EPHA6: variants seen among roughly 807,000 people sequenced by gnomAD.
EPHA6 encodes the protein ephrin type-A receptor 6.
A neutral mutation model predicts 112.0 loss-of-function variants in EPHA6; 50 were observed. The ratio of observed to expected loss-of-function variants is 0.45; its 90% CI spans 0.36 to 0.56. The LOEUF is 0.56. Among genes scored for constraint, EPHA6 ranks in the 20% least tolerant of loss-of-function variants. EPHA6 has a pLI of 0.00. For synonymous variants in EPHA6, 529 were observed against 490.7 expected (o/e 1.08, Z -1.03); for missense variants, 1,280 against 1,417.4 (o/e 0.90, Z 1.56).
intron 3 of EPHA6, among the ~76,000 whole-genome samples, chr3:97,196,787 T>C (rs537554942): frequency 1.4e-4 from 22 of 152,064 alleles, no homozygotes; most frequent in African/African-American, 5.3e-4. Flanking sequence ...ATTCTCTGTA[T>C]TACCAGGAAG....
chr3:97,709,166 A>T (rs1045225903), intron 14 of EPHA6, among the ~76,000 whole-genome samples: 2 of 151,922 alleles, frequency 1.3e-5, no homozygotes, highest in African/African-American at 4.8e-5. Context: ...AAAAAAAAAA[A>T]AAAAAAGCCA....
chr3:97,492,897 G>T (rs1405599720), intron 10 of EPHA6, among the ~76,000 whole-genome samples: 2 of 151,734 alleles, frequency 1.3e-5, no homozygotes, highest in Non-Finnish European at 2.9e-5. Flanking sequence ...AGGAATTTAG[G>T]ACGTTTTCAA....
chr3:97,017,529 T>C (rs368273967), intron 3 of EPHA6, among the ~76,000 whole-genome samples: 1 of 152,158 alleles, frequency 6.6e-6, no homozygotes, highest in Non-Finnish European at 1.5e-5. Context: ...GGAAAGGCAG[T>C]CTAGGCCCCA....
intron 3 of EPHA6, among the ~76,000 whole-genome samples, chr3:97,101,423 C>T (rs181173516): frequency 1.3e-5 from 2 of 152,062 alleles, no homozygotes; most frequent in South Asian, 2.1e-4. Context: ...CACTGCATAC[C>T]TTTTGAGTGA....
intron 10 of EPHA6, among the ~76,000 whole-genome samples, chr3:97,495,581 A>G (rs1005520652): frequency 6.6e-6 from 1 of 151,974 alleles, no homozygotes; most frequent in East Asian, 1.9e-4. Context: ...CTGTAAGTAA[A>G]ATTTCTCAAC....
rs561838024 is a variant in EPHA6, at chr3:97,404,054, T to C, written c.1607-1096T>C. Among the ~76,000 whole-genome samples the C allele has an allele frequency of 7.1e-4, 108 of 152,322 alleles. 1 individual carries two copies. The highest frequency in any genetic ancestry group is 2.4e-3 in the African/African-American group (98 of 41,580). On this transcript the variant is annotated intron_variant, in intron 5 of 17. Transcript: ENST00000389672. ...TTCTCTAGTGGATATAGCATAGTTT[T>C]TCAACCACTCTCTTATTGATGGGCA...
chr3:97,040,580 A>G (rs1233756828), intron 3 of EPHA6, among the ~76,000 whole-genome samples: 2 of 152,124 alleles, frequency 1.3e-5, no homozygotes, highest in African/African-American at 2.4e-5. Context: ...AGTGTTTTCT[A>G]TATTATTATT....
chr3:97,259,528 G>A (rs2079428067), intron 5 of EPHA6, among the ~76,000 whole-genome samples: 1 of 152,142 alleles, frequency 6.6e-6, no homozygotes, highest in Non-Finnish European at 1.5e-5. Flanking sequence ...CTCCATGAGG[G>A]ATGGATTTTT....
chr3:97,401,286 T>C (rs2086976129), intron 5 of EPHA6, among the ~76,000 whole-genome samples: 1 of 151,770 alleles, frequency 6.6e-6, no homozygotes. Flanking sequence ...TGGCTTCAAT[T>C]CACCAATGAA....
intron 10 of EPHA6, among the ~76,000 whole-genome samples, chr3:97,519,990 CAG>C (rs1343886411): frequency 7.1e-6 from 1 of 140,722 alleles, no homozygotes; most frequent in African/African-American, 2.7e-5. Flanking sequence ...TTTTTTGAGA[CAG>C]AGTCTTGCTC....
chr3:97,494,957 G>T (rs1473705772), intron 10 of EPHA6, among the ~76,000 whole-genome samples: 2 of 152,118 alleles, frequency 1.3e-5, no homozygotes, highest in African/African-American at 4.8e-5. Context: ...GAGATCTAGA[G>T]TTTTTCTCTA....
intron 2 of EPHA6, among the ~76,000 whole-genome samples, chr3:96,925,750 C>T (rs1379634058): frequency 2.0e-5 from 3 of 151,868 alleles, no homozygotes; most frequent in Admixed American, 6.6e-5. Flanking sequence ...GGATTACGAG[C>T]GCCTGCCACC....
chr3:97,703,822 G>A (rs2033530667), intron 14 of EPHA6, among the ~76,000 whole-genome samples: 1 of 151,944 alleles, frequency 6.6e-6, no homozygotes, highest in East Asian at 1.9e-4. Context: ...TGTTTTCAGG[G>A]GGAAAAAAGT....
chr3:97,291,992 G>T (rs1165536429), intron 5 of EPHA6, among the ~76,000 whole-genome samples: 3 of 151,944 alleles, frequency 2.0e-5, no homozygotes, highest in Non-Finnish European at 4.4e-5. Flanking sequence ...ACGGAGCAGT[G>T]GGGGGTATGT....
intron 5 of EPHA6, among the ~76,000 whole-genome samples, chr3:97,396,585 T>C (rs2086707665): frequency 6.6e-6 from 1 of 151,700 alleles, no homozygotes; most frequent in Non-Finnish European, 1.5e-5. Flanking sequence ...TAAATTGGAA[T>C]TCATTTTAGG....
chr3:97,335,150 A>G (rs1046365074), intron 5 of EPHA6, among the ~76,000 whole-genome samples: 1 of 152,210 alleles, frequency 6.6e-6, no homozygotes, highest in African/African-American at 2.4e-5. Context: ...GAAGGTCATT[A>G]GGCTTCATGA....
intron 7 of EPHA6, among the ~76,000 whole-genome samples, chr3:97,454,245 G>T (rs1000560793): frequency 6.6e-6 from 1 of 151,618 alleles, no homozygotes; most frequent in African/African-American, 2.4e-5. Context: ...TTGTTCAAAG[G>T]CGTAATTCTT....
Position 97,747,508 on chromosome 3 carries a change from T to C in EPHA6, c.3214T>C (p.Tyr1072His). The change falls in exon 17 of 18, where the codon TAC (tyrosine) becomes CAC (histidine). Residue 1072 changes from tyrosine (Y) to histidine (H), a missense_variant. Tyr to His is a moderately conservative substitution (Grantham distance 83, BLOSUM62 2). Coordinates refer to ENST00000389672, the MANE Select transcript of EPHA6 (RefSeq NM_001080448.3). ...DWLDSIKMGQ[Y>H]KNNFVAAGFT... ...GCTAGATTCTATAAAGATGGGGCAATACAAGAATAACTTCGTGGCAGCAGG... is the reference window on the plus strand; with the variant it reads ...GCTAGATTCTATAAAGATGGGGCAACACAAGAATAACTTCGTGGCAGCAGG... 6.2e-7 allele frequency: 1 copy of C among 1,610,956 alleles called. No individual in the cohort carries two copies. Among genetic ancestry groups the C allele is most frequent in the Non-Finnish European group, 8.5e-7 (1 of 1,178,350 alleles).
intron 6 of EPHA6, among the ~76,000 whole-genome samples, chr3:97,438,462 A>G (rs945995258): frequency 9.2e-5 from 14 of 152,184 alleles, no homozygotes; most frequent in Non-Finnish European, 1.9e-4. Flanking sequence ...TCCCATTTGA[A>G]TTGTCATTAA....
Sources: allele counts gnomAD v4.1 joint callset (sites outside exome capture counted in the v4.1 genomes callset), GRCh38; gene constraint gnomAD v4.1.1; transcripts MANE v1.5; gene names NCBI Gene and HGNC (gene_info 2026-07-23, HGNC 2026-07-21).